The following UST variants were observed in gnomAD, a reference collection of about 807,000 sequenced individuals.
The protein encoded by UST is uronyl 2-sulfotransferase, also known as chondroitin sulfate 2-O-sulfotransferase.
Under a neutral mutation model 45.6 loss-of-function variants are expected in UST, and 21 were observed. The observed-to-expected ratio is 0.46, with a 90% CI of 0.33 to 0.66. The LOEUF (loss-of-function observed/expected upper bound fraction) is 0.66. Among genes scored for constraint, UST ranks in the 30% least tolerant of loss-of-function variants. The pLI, the probability that UST is intolerant of heterozygous loss-of-function variation, is 0.02. For synonymous variants in UST, 215 were observed against 200.6 expected (o/e 1.07, Z -0.61); for missense variants, 463 against 512.4 (o/e 0.90, Z 0.93).
At chr6:149,023,150 G>GTGT (rs71007933) in intron 7 of UST, among the ~76,000 whole-genome samples, 6 of 138,552 alleles carry the variant, frequency 4.3e-5, no homozygotes, top group African/African-American at 7.9e-5. Flanking sequence ...GTGTGTGTGT[G>GTGT]GTGTGGTGTG....
At chr6:149,003,218 G>C (rs1781585808) in intron 5 of UST, among the ~76,000 whole-genome samples, 1 of 152,098 alleles carries the variant, frequency 6.6e-6, no homozygotes, top group African/African-American at 2.4e-5. Context: ...AGAATAGTAT[G>C]GTTGAAAACT....
chr6:148,776,353 C>T (rs2114681714), intron 1 of UST, among the ~76,000 whole-genome samples: 1 of 152,314 alleles, frequency 6.6e-6, no homozygotes, highest in Middle Eastern at 3.4e-3. Context: ...CAATCCTCTT[C>T]TCAGCAGAAG....
chr6:148,793,759 G>A (rs1451113882), intron 1 of UST, among the ~76,000 whole-genome samples: 2 of 152,106 alleles, frequency 1.3e-5, no homozygotes, highest in African/African-American at 2.4e-5. Flanking sequence ...TTCTGAGTTC[G>A]TGGCTGCTTC....
chr6:148,872,949 C>T (rs915567481), intron 1 of UST, among the ~76,000 whole-genome samples: 1 of 152,110 alleles, frequency 6.6e-6, no homozygotes, highest in Non-Finnish European at 1.5e-5. Flanking sequence ...GACTCGTGGT[C>T]TCTTTTGCCA....
At chr6:148,795,833 C>A (rs17085496) in intron 1 of UST, among the ~76,000 whole-genome samples, 9,702 of 152,072 alleles carry the variant, frequency 0.064, 422 homozygotes, top group South Asian at 0.17. Context: ...TTTATTTTGC[C>A]GATTCATTAC....
At chr6:149,066,759 G>A (rs191989045) in intron 7 of UST, among the ~76,000 whole-genome samples, 9 of 152,026 alleles carry the variant, frequency 5.9e-5, no homozygotes, top group Admixed American at 5.2e-4. Flanking sequence ...AGATTAACAG[G>A]AAAAAAAGGA....
At chr6:148,762,340 T>C (rs1236268441) in intron 1 of UST, among the ~76,000 whole-genome samples, 3 of 152,232 alleles carry the variant, frequency 2.0e-5, no homozygotes, top group African/African-American at 7.2e-5. Flanking sequence ...CTTTCTTTCC[T>C]ATTCCTTGTG....
In UST at chr6:148,947,749, G is replaced by T. The variant is rs557758906; in HGVS notation, c.448-6123G>T. Among the ~76,000 whole-genome samples, 3 of 152,226 alleles carry T rather than the reference G, an allele frequency of 2.0e-5. No homozygotes were observed. The South Asian group carries it at 6.2e-4, about 32-fold the overall frequency. Reference sequence around the variant, plus strand: ...CCGTCAGAACTTCCCGACTTTATAGGAGTGGGGACAGTGTCCACAGGCATG... The same window carrying T: ...CCGTCAGAACTTCCCGACTTTATAGTAGTGGGGACAGTGTCCACAGGCATG... On this transcript the variant is annotated intron_variant, in intron 3 of 7. Coordinates refer to ENST00000367463, the MANE Select transcript of UST (RefSeq NM_005715.3).
At chr6:149,018,136 A>G (rs1223365541) in intron 5 of UST, among the ~76,000 whole-genome samples, 1 of 152,204 alleles carries the variant, frequency 6.6e-6, no homozygotes, top group East Asian at 1.9e-4. Context: ...CTGAAGAAGT[A>G]TGAGGGGATT....
chr6:148,943,141 AT>A (rs200993430), intron 3 of UST, among the ~76,000 whole-genome samples: 3,794 of 152,312 alleles, frequency 0.025, 53 homozygotes, highest in Middle Eastern at 0.034. Flanking sequence ...CATTATTGCA[AT>A]TTTATTATAA....
intron 1 of UST, among the ~76,000 whole-genome samples, chr6:148,765,912 TTCTTG>T (rs1347480052): frequency 6.6e-6 from 1 of 152,230 alleles, no homozygotes; most frequent in Non-Finnish European, 1.5e-5. Flanking sequence ...GGAGTTGGCA[TTCTTG>T]TCTTGTTCCA....
intron 2 of UST, among the ~76,000 whole-genome samples, chr6:148,903,079 T>C (rs1397304130): frequency 6.6e-6 from 1 of 152,222 alleles, no homozygotes; most frequent in South Asian, 2.1e-4. Flanking sequence ...ATTACTGATA[T>C]AATGTCATGT....
chr6:148,793,975 C>T (rs1776901092), intron 1 of UST, among the ~76,000 whole-genome samples: 1 of 152,130 alleles, frequency 6.6e-6, no homozygotes, highest in Non-Finnish European at 1.5e-5. Context: ...GCGCATATTT[C>T]TGTTGGGGAG....
At chr6:148,814,958 G>A (rs1777328377) in intron 1 of UST, among the ~76,000 whole-genome samples, 3 of 152,148 alleles carry the variant, frequency 2.0e-5, no homozygotes, top group African/African-American at 7.2e-5. Flanking sequence ...ATTAGGATGT[G>A]TGTGCATATG....
At chr6:149,056,568 T>G (rs1776569325) in intron 7 of UST, among the ~76,000 whole-genome samples, 1 of 152,234 alleles carries the variant, frequency 6.6e-6, no homozygotes, top group African/African-American at 2.4e-5. Context: ...TCATTTTTTC[T>G]TAGAGTTTTG....
chr6:149,053,981 C>T (rs1372904948), intron 7 of UST, among the ~76,000 whole-genome samples: 2 of 152,130 alleles, frequency 1.3e-5, no homozygotes, highest in Admixed American at 6.6e-5. Context: ...TAATGGCTCT[C>T]CTGCCACCAT....
rs1165179256 is a variant in UST at position 149,049,923 on chromosome 6, T to TCACACACACA, written c.938-23909_938-23908insACACACACAC. Reference sequence around the variant, plus strand: ...AACTCACCTTGTCTCTCTCTCTCTCTCTCTCTCTCACACACACACACACAC... The same window carrying TCACACACACA: ...AACTCACCTTGTCTCTCTCTCTCTCTCACACACACACTCTCTCTCACACACACACACACAC... On this transcript the variant is annotated intron_variant, in intron 7 of 7. Coordinates refer to ENST00000367463, the MANE Select transcript of UST (RefSeq NM_005715.3). 1.6e-3 allele frequency among the ~76,000 whole-genome samples: 169 copies of TCACACACACA among 102,966 alleles called. 2 individuals are homozygous for TCACACACACA. Among genetic ancestry groups the TCACACACACA allele is most frequent in the African/African-American group, 5.5e-3 (161 of 29,108 alleles). 67.5% of individuals were successfully genotyped at this position (102,966 alleles called of 152,430 possible). A position where few individuals can be genotyped will look rare whatever the true frequency, so the allele number is the denominator to read the frequency against.
chr6:148,789,094 G>A (rs1224337712), intron 1 of UST, among the ~76,000 whole-genome samples: 2 of 152,198 alleles, frequency 1.3e-5, no homozygotes, highest in East Asian at 1.9e-4. Flanking sequence ...GGTTTGCTGA[G>A]AGTTTTAATT....
At chr6:148,779,432 CAT>C (rs1335846909) in intron 1 of UST, among the ~76,000 whole-genome samples, 1 of 152,206 alleles carries the variant, frequency 6.6e-6, no homozygotes, top group Non-Finnish European at 1.5e-5. Context: ...CTGGGGAAGA[CAT>C]GTGAGGGAAG....
Sources: allele counts gnomAD v4.1 joint callset (sites outside exome capture counted in the v4.1 genomes callset), GRCh38; gene constraint gnomAD v4.1.1; transcripts MANE v1.5; gene names NCBI Gene and HGNC (gene_info 2026-07-23, HGNC 2026-07-21).